RPLP0: variants seen among roughly 807,000 people sequenced by gnomAD.
The protein encoded by RPLP0 is ribosomal protein lateral stalk subunit P0, also known as large ribosomal subunit protein uL10.
For synonymous variants in RPLP0, 137 were observed against 153.4 expected (o/e 0.89, Z 0.79); for missense variants, 276 against 402.9 (o/e 0.69, Z 2.70).
Position 120,198,739 on chromosome 12 carries a change from T to C in RPLP0, c.466A>G (p.Ser156Gly). The C allele has an allele frequency of 6.2e-7, 1 of 1,613,834 alleles. No homozygotes were observed. The highest frequency in any genetic ancestry group is 8.5e-7 in the Non-Finnish European group (1 of 1,179,802). The change falls in exon 6 of 8, where the codon AGT becomes GGT. Residue 156 changes from serine (S) to glycine (G), a missense_variant and splice_region_variant. Coordinates refer to ENST00000392514, the MANE Select transcript of RPLP0 (RefSeq NM_001002.4). The surrounding 1 kb of genome is among the most constrained non-coding windows in gnomAD (Gnocchi z 4.1). ...KISRGTIEILSDVQLIKTGDK... is the reference protein window; with the variant it reads ...KISRGTIEILGDVQLIKTGDK... The stretch of plus-strand genomic sequence containing the variant: ...CCAGTCTTGATCAGCTGCACATCAC[T>C]CTGAACCAGATAATAGTGGGGCAGT...
At position 120,198,561 on chromosome 12, in the gene RPLP0, A is replaced by C; in HGVS notation, c.644T>G (p.Phe215Cys). ...AAGGCTGACAGCATATACCTCCAGG[A>C]AGCGAGAATGCAGAGTTTCCTCTGT... is the stretch of plus-strand genomic sequence containing the variant. ...DITEETLHSR[F>C]LEGVRNVASV... Residue 215 changes from phenylalanine (F) to cysteine (C), a missense_variant, in exon 6 of 8, where the codon TTC (phenylalanine) becomes TGC (cysteine). Physicochemically the swap from Phe to Cys is radical, Grantham distance 205 (BLOSUM62 -2). Transcript: ENST00000392514. The surrounding 1 kb of genome is among the most constrained non-coding windows in gnomAD (Gnocchi z 4.1). 6.2e-7 allele frequency: 1 copy of C among 1,614,138 alleles called. No homozygotes were observed. The highest frequency in any genetic ancestry group is 8.5e-7 in the Non-Finnish European group (1 of 1,180,018).
In RPLP0 at chr12:120,198,608, G is replaced by A. The variant is rs1224435985; in HGVS notation, c.597C>T (p.Tyr199=). Residue 199 remains tyrosine, a synonymous_variant, in exon 6 of 8, where the codon TAC becomes TAT. Transcript: ENST00000392514. The surrounding 1 kb of genome is among the most constrained non-coding windows in gnomAD (Gnocchi z 4.1). ...CTGTGATATCAAGCACTTCAGGGTT[G>A]TAGATGCTGCCATTGTCGAACACCT... ...IQQVFDNGSI[Y]NPEVLDITEE... is the part of the protein sequence containing the mutation. 6.2e-6 allele frequency: 10 copies of A among 1,614,084 alleles called. No individual in the cohort carries two copies. Among genetic ancestry groups the A allele is most frequent in the South Asian group, 1.1e-5 (1 of 91,086 alleles).
chr12:120,197,471 G>C lies in RPLP0; in HGVS notation c.652-9C>G. ...GCAACATTGCGGACACCCTGGGGGA[G>C]GGAAGATTTCATTTTACGTGAGATT... On this transcript the variant is annotated splice_polypyrimidine_tract_variant and intron_variant, in intron 6 of 7. Coordinates refer to ENST00000392514, the MANE Select transcript of RPLP0 (RefSeq NM_001002.4). The C allele has an allele frequency of 6.2e-7, 1 of 1,613,574 alleles. No homozygotes were observed. Among genetic ancestry groups the C allele is most frequent in the Non-Finnish European group, 8.5e-7 (1 of 1,179,694 alleles).
At chr12:120,197,848 A>G (rs1269748301) in intron 6 of RPLP0, 6 of 186,930 alleles carry the variant, frequency 3.2e-5, no homozygotes, top group Non-Finnish European at 6.8e-5. Flanking sequence ...GTAGCTAATA[A>G]TATCTAATTA....
At position 120,198,235 on chromosome 12, in the gene RPLP0, A is replaced by C; in HGVS notation, c.651+319T>G. Reference sequence around the variant, plus strand: ...CGGTGAAACCTAAAAATACAAAAAAATTAGCCGGGCGTAGTGGCGGGTGCC... The same window carrying C: ...CGGTGAAACCTAAAAATACAAAAAACTTAGCCGGGCGTAGTGGCGGGTGCC... On this transcript the variant is annotated intron_variant, in intron 6 of 7. Transcript: ENST00000392514. This position sits in a 1 kb window ranked among gnomAD's most constrained non-coding sequence, Gnocchi z 4.1. 3 of 298,440 alleles carry C rather than the reference A, an allele frequency of 1.0e-5. No homozygotes were observed. Among genetic ancestry groups the C allele is most frequent in the Non-Finnish European group, 2.0e-5 (3 of 153,434 alleles). The allele number at this position is 298,440 out of a possible 1,614,324, so 18.5% of individuals were successfully genotyped here.
At position 120,197,600 on chromosome 12, in the gene RPLP0, A is replaced by C; in HGVS notation, c.652-138T>G. 253 of 967,340 alleles carry C rather than the reference A, an allele frequency of 2.6e-4. 1 individual carries two copies. Among genetic ancestry groups the C allele is most frequent in the Non-Finnish European group, 3.5e-4 (222 of 643,048 alleles). The allele number at this position is 967,340 out of a possible 1,614,324, so 59.9% of individuals were successfully genotyped here. ...GTCTCAAGAGAGGCCATTTCATCTC[A>C]TACCAAATGCTCCTGGCAGAGCAAT... On this transcript the variant is annotated intron_variant, in intron 6 of 7. Transcript: ENST00000392514.
In RPLP0 at chr12:120,201,073, G is replaced by A. The variant is rs139878553; in HGVS notation, c.-49+10C>T. 881 of 396,830 alleles carry A rather than the reference G, an allele frequency of 2.2e-3. 6 individuals are homozygous for A. Among genetic ancestry groups the A allele is most frequent in the African/African-American group, 0.017 (803 of 48,418 alleles). The allele number at this position is 396,830 out of a possible 1,614,324, so 24.6% of individuals were successfully genotyped here. A position where few individuals can be genotyped will look rare whatever the true frequency, so the allele number is the denominator to read the frequency against. The stretch of plus-strand genomic sequence containing the variant: ...GCGACCCCTGGCGCCCATCTAACTA[G>A]CACACGAACCTTCCACGAGGACGCC... On this transcript the variant is annotated intron_variant, in intron 1 of 7. Coordinates refer to ENST00000392514, the MANE Select transcript of RPLP0 (RefSeq NM_001002.4).
chr12:120,199,549 A>G, intron 2 of RPLP0, 64 bp from the exon 3 acceptor site: 1 of 1,511,022 alleles, frequency 6.6e-7, no homozygotes, highest in Non-Finnish European at 8.9e-7. Context: ...ATGCCAGAAG[A>G]AACTGAACCC....
Position 120,198,824 on chromosome 12 carries a change from G to A in RPLP0, c.465+30C>T, listed in dbSNP as rs372881911. The A allele has an allele frequency of 6.2e-7, 1 of 1,613,404 alleles. No homozygotes were observed. Among genetic ancestry groups the A allele is most frequent in the African/African-American group, 1.3e-5 (1 of 74,906 alleles). ...ACTAAAAGCAGCTCCCCATTTGCCT[G>A]GTTAGCACAGGCAAACCAGGTCCAC... On this transcript the variant is annotated intron_variant, in intron 5 of 7. Transcript: ENST00000392514. This position sits in a 1 kb window ranked among gnomAD's most constrained non-coding sequence, Gnocchi z 4.1.
chr12:120,199,510 C>G, intron 2 of RPLP0, 25 bp from the exon 3 acceptor site: 1 of 1,607,074 alleles, frequency 6.2e-7, no homozygotes, highest in Non-Finnish European at 8.5e-7. Context: ...CCAGAGGAGC[C>G]AAGTTTAACA....
intron 6 of RPLP0, chr12:120,197,727 G>A: frequency 2.2e-6 from 1 of 448,824 alleles, no homozygotes; most frequent in Non-Finnish European, 4.0e-6. Context: ...ACAGTGAAAA[G>A]CATAAACGAC....
In RPLP0 at chr12:120,196,711, A is replaced by T; in HGVS notation, c.*62T>A. 2.0e-6 allele frequency: 3 copies of T among 1,506,226 alleles called. No homozygotes were observed. Among genetic ancestry groups the T allele is most frequent in the Non-Finnish European group, 2.7e-6 (3 of 1,125,656 alleles). The allele number at this position is 1,506,226 out of a possible 1,614,324, so 93.3% of individuals were successfully genotyped here. On this transcript the variant is annotated 3_prime_UTR_variant, in exon 8 of 8. Coordinates refer to ENST00000392514, the MANE Select transcript of RPLP0 (RefSeq NM_001002.4). ...TTAAGAGTCCAGAGACTTTTTAAAGAAGTAAGCCTTTATTTCCTTGTTTTG... is the reference window on the plus strand; with the variant it reads ...TTAAGAGTCCAGAGACTTTTTAAAGTAGTAAGCCTTTATTTCCTTGTTTTG...
At position 120,198,540 on chromosome 12, in the gene RPLP0, C is replaced by T. The variant is rs775337487; in HGVS notation, c.651+14G>A. On this transcript the variant is annotated intron_variant, in intron 6 of 7. Transcript: ENST00000392514. The surrounding 1 kb of genome is among the most constrained non-coding windows in gnomAD (Gnocchi z 4.1). ...ACCATCAGTGTAAGAGGGGGCAAGG[C>T]TGACAGCATATACCTCCAGGAAGCG... 6.2e-7 allele frequency: 1 copy of T among 1,614,092 alleles called. No homozygotes were observed. Among genetic ancestry groups the T allele is most frequent in the Admixed American group, 1.7e-5 (1 of 60,016 alleles).
chr12:120,200,737 T>G lies in RPLP0; in HGVS notation c.47A>C (p.Lys16Thr), dbSNP rs774101874. The G allele has an allele frequency of 6.2e-7, 1 of 1,611,398 alleles. No individual in the cohort carries two copies. The highest frequency in any genetic ancestry group is 1.8e-4 in the Middle Eastern group (1 of 5,488). Residue 16 changes from lysine (K) to threonine (T), a missense_variant, in exon 2 of 8, where the codon AAG becomes ACG. Transcript: ENST00000392514. ...GACCCACCCTGCACTTACGATGATC[T>G]TAAGGAAGTAGTTGGACTTCCAGGT... Reference protein sequence around the residue: ...RATWKSNYFLKIIQLLDDYPK... With the variant: ...RATWKSNYFLTIIQLLDDYPK...
intron 1 of RPLP0, 124 bp from the exon 2 acceptor site, chr12:120,200,955 G>C (rs578133336): frequency 2.6e-4 from 323 of 1,245,410 alleles, no homozygotes; most frequent in Non-Finnish European, 3.3e-4. Context: ...CCGTCATCTC[G>C]GGGCGTGCAA....
At position 120,198,271 on chromosome 12, in the gene RPLP0, G is replaced by A; in HGVS notation, c.651+283C>T. 1 of 357,050 alleles carries A rather than the reference G, an allele frequency of 2.8e-6. No homozygotes were observed. The highest frequency in any genetic ancestry group is 5.3e-6 in the Non-Finnish European group (1 of 189,708). 22.1% of individuals were successfully genotyped at this position (357,050 alleles called of 1,614,324 possible). On this transcript the variant is annotated intron_variant, in intron 6 of 7. Transcript: ENST00000392514. The surrounding 1 kb of genome is among the most constrained non-coding windows in gnomAD (Gnocchi z 4.1). ...GTAGTGGCGGGTGCCTGTAGTCCCA[G>A]CTACTCAGGAGGCTGAGGCAGGAGA...
intron 6 of RPLP0, chr12:120,197,851 T>A (rs1050999317): frequency 1.6e-5 from 3 of 186,362 alleles, no homozygotes; most frequent in Admixed American, 1.1e-4. Context: ...GCTAATAATA[T>A]CTAATTATAT....
chr12:120,197,118 C>T (rs1879212294), intron 7 of RPLP0, 184 bp from the exon 8 acceptor site: 1 of 1,125,806 alleles, frequency 8.9e-7, no homozygotes, highest in African/African-American at 1.6e-5. Flanking sequence ...TAAGGCCCAG[C>T]TCTTGCCCAT....
At position 120,196,739 on chromosome 12, in the gene RPLP0, A is replaced by G. The variant is rs749239161; in HGVS notation, c.*34T>C. Reference sequence around the variant, plus strand: ...TAAGCCTTTATTTCCTTGTTTTGCAAATAAAACTGGCTAAGTTGGTTGCTT... The same window carrying G: ...TAAGCCTTTATTTCCTTGTTTTGCAGATAAAACTGGCTAAGTTGGTTGCTT... On this transcript the variant is annotated 3_prime_UTR_variant, in exon 8 of 8. Transcript: ENST00000392514. 46 of 1,530,966 alleles carry G rather than the reference A, an allele frequency of 3.0e-5. No individual in the cohort carries two copies. Among genetic ancestry groups the G allele is most frequent in the Non-Finnish European group, 3.8e-5 (43 of 1,137,916 alleles). The allele number at this position is 1,530,966 out of a possible 1,614,324, so 94.8% of individuals were successfully genotyped here. A position where few individuals can be genotyped will look rare whatever the true frequency, so the allele number is the denominator to read the frequency against.
Sources: allele counts gnomAD v4.1 joint callset, GRCh38; gene constraint gnomAD v4.1.1; non-coding constraint Gnocchi (gnomAD v3.1); transcripts MANE v1.5; gene names NCBI Gene and HGNC (gene_info 2026-07-23, HGNC 2026-07-21).